Variants in AOPEP observed in about 807,000 individuals in gnomAD.
AOPEP encodes aminopeptidase O (putative), also known as aminopeptidase O.
Under a neutral mutation model 98.1 loss-of-function variants are expected in AOPEP, and 77 were observed. That is an observed-to-expected ratio of 0.78 (90% CI 0.65 to 0.95). AOPEP has a LOEUF of 0.95. AOPEP is among the 40% of genes least tolerant of loss of function. AOPEP has a pLI of 0.00. For synonymous variants in AOPEP, 346 were observed against 365.3 expected, an observed-to-expected ratio of 0.95 and a Z score of 0.60; for missense variants, 1,024 against 1,024.7, an observed-to-expected ratio of 1.00 and a Z score of 0.01.
chr9:94,817,427 G>A (rs1851947831), intron 5 of AOPEP, among the ~76,000 whole-genome samples: 1 of 152,230 alleles, frequency 6.6e-6, no homozygotes, highest in African/African-American at 2.4e-5. Context: ...AATGCTGCAT[G>A]GACGAGTGTG....
At chr9:94,777,625 CTTTTTTTT>C (rs34067261) in intron 3 of AOPEP, among the ~76,000 whole-genome samples, 7 of 94,186 alleles carry the variant, frequency 7.4e-5, no homozygotes, top group African/African-American at 1.4e-4. Flanking sequence ...ATTATATAAT[CTTTTTTTT>C]TTTTTTTTTT....
chr9:95,087,506 AAAAG>A (rs1210615378), downstream of AOPEP, among the ~76,000 whole-genome samples: 105 of 144,360 alleles, frequency 7.3e-4, no homozygotes, highest in African/African-American at 2.6e-3. Context: ...AAAAAAAAAA[AAAAG>A]CACGTACAAG....
intron 5 of AOPEP, among the ~76,000 whole-genome samples, chr9:94,895,234 T>A (rs1237066217): frequency 0.1 from 3,691 of 35,632 alleles, 169 homozygotes; most frequent in East Asian, 0.18. Context: ...AAAAATAAAA[T>A]AAAATAAAAA....
At chr9:94,875,243 A>C (rs2046778782) in intron 5 of AOPEP, among the ~76,000 whole-genome samples, 1 of 150,780 alleles carries the variant, frequency 6.6e-6, no homozygotes, top group Admixed American at 6.7e-5. Context: ...CATGATTTTT[A>C]ATTACTTCAC....
chr9:94,996,948 A>G (rs536692276), intron 11 of AOPEP, among the ~76,000 whole-genome samples: 1 of 152,168 alleles, frequency 6.6e-6, no homozygotes, highest in Non-Finnish European at 1.5e-5. Context: ...CTAGCCAGCA[A>G]TCTTCCAAAT....
chr9:94,731,876 A>G lies in AOPEP; in HGVS notation c.-136+5125A>G, dbSNP rs1032415185. On this transcript the variant is annotated intron_variant, in intron 1 of 16. Coordinates refer to ENST00000375315, the MANE Select transcript of AOPEP (RefSeq NM_001193329.3). ...CAATGGCATGATCTTTGCTCACCTC[A>G]TTGGTTCTAGCAATTCTCCTGCCTC... is the stretch of plus-strand genomic sequence containing the variant. 3.9e-5 allele frequency among the ~76,000 whole-genome samples: 5 copies of G among 128,994 alleles called. No individual in the cohort carries two copies. In the East Asian group the frequency reaches 1.1e-3, roughly 29 times the overall value. The allele number at this position is 128,994 out of a possible 152,430, so 84.6% of individuals were successfully genotyped here. A position where few individuals can be genotyped will look rare whatever the true frequency, so the allele number is the denominator to read the frequency against.
the AOPEP span, among the ~76,000 whole-genome samples, chr9:95,146,592 G>A: frequency 6.6e-6 from 1 of 150,756 alleles, no homozygotes; most frequent in Non-Finnish European, 1.5e-5. Flanking sequence ...TAAGCAGTAA[G>A]TATCATTTTA....
chr9:95,097,473 C>T, the AOPEP span, among the ~76,000 whole-genome samples: 8 of 152,208 alleles, frequency 5.3e-5, no homozygotes, highest in African/African-American at 1.9e-4. Context: ...GGAGTGGGCA[C>T]AAGGGCCTTT....
At chr9:94,833,411 A>G (rs1045492516) in intron 5 of AOPEP, among the ~76,000 whole-genome samples, 39 of 149,916 alleles carry the variant, frequency 2.6e-4, no homozygotes, top group African/African-American at 9.6e-4. Flanking sequence ...CTAATTTTGT[A>G]TTTTTAGTAG....
At chr9:95,146,820 G>C in the AOPEP span, among the ~76,000 whole-genome samples, 2 of 152,096 alleles carry the variant, frequency 1.3e-5, no homozygotes, top group African/African-American at 2.4e-5. Flanking sequence ...TGTTTCCAGA[G>C]AGGGAGGGAA....
intron 5 of AOPEP, among the ~76,000 whole-genome samples, chr9:94,871,058 C>T (rs775510568): frequency 8.5e-5 from 13 of 152,180 alleles, no homozygotes; most frequent in Non-Finnish European, 1.8e-4. Flanking sequence ...TGGGTGTGGG[C>T]GCAGGCGCGA....
Position 94,955,265 on chromosome 9 carries a change from G to C in AOPEP, c.1750G>C (p.Val584Leu). Residue 584 changes from valine (V) to leucine (L), a missense_variant, in exon 8 of 17, where the codon GTG becomes CTG. Around this residue, in one of 3 missense-constraint regions of AOPEP, gnomAD observed 566 missense variants for 551.7 expected, o/e 1.03. Transcript: ENST00000375315. ...GLNPEKIFMQ[V>L]HYLKGYFLLR... ...TAATCCGGAGAAGATCTTCATGCAG[G>C]TGCATTATTTAAAGGTAAGCACATG... 2 of 1,611,408 alleles carry C rather than the reference G, an allele frequency of 1.2e-6. No individual in the cohort carries two copies. The highest frequency in any genetic ancestry group is 2.2e-5 in the South Asian group (2 of 90,764).
intron 1 of AOPEP, among the ~76,000 whole-genome samples, chr9:94,740,501 A>G (rs988519498): frequency 6.6e-6 from 1 of 152,228 alleles, no homozygotes; most frequent in African/African-American, 2.4e-5. Flanking sequence ...TTCCAGCAGA[A>G]CTGTGCTTAT....
intron 14 of AOPEP, among the ~76,000 whole-genome samples, chr9:95,066,760 A>G (rs989149440): frequency 1.3e-5 from 2 of 152,188 alleles, no homozygotes; most frequent in Non-Finnish European, 2.9e-5. Context: ...TGGGGTCTAA[A>G]TAGCAGTGCC....
the AOPEP span, among the ~76,000 whole-genome samples, chr9:95,097,083 AAC>A: frequency 6.6e-6 from 1 of 152,230 alleles, no homozygotes; most frequent in Non-Finnish European, 1.5e-5. Context: ...ACACCCCCAC[AAC>A]AGGGAGGCAT....
chr9:95,044,964 G>A (rs2065705212), intron 13 of AOPEP, among the ~76,000 whole-genome samples: 1 of 152,230 alleles, frequency 6.6e-6, no homozygotes, highest in South Asian at 2.1e-4. Context: ...GCTGTGCAGA[G>A]TTGGTGTTGA....
At chr9:95,000,487 C>A (rs983540880) in intron 11 of AOPEP, among the ~76,000 whole-genome samples, 6 of 152,170 alleles carry the variant, frequency 3.9e-5, no homozygotes, top group Non-Finnish European at 7.3e-5. Context: ...GTGGGTGGAT[C>A]ACCTGAGATC....
At chr9:95,076,366 C>T (rs891738641) in intron 14 of AOPEP, among the ~76,000 whole-genome samples, 4 of 152,106 alleles carry the variant, frequency 2.6e-5, no homozygotes, top group African/African-American at 7.2e-5. Flanking sequence ...CTCAGGGCAC[C>T]GGATGACCCA....
chr9:95,040,081 C>T (rs1201156115), intron 13 of AOPEP, among the ~76,000 whole-genome samples: 1 of 152,222 alleles, frequency 6.6e-6, no homozygotes, highest in East Asian at 1.9e-4. Context: ...CAAGAGGTTA[C>T]AGGTGGCTTC....
Sources: allele counts gnomAD v4.1 joint callset (sites outside exome capture counted in the v4.1 genomes callset), GRCh38; gene constraint gnomAD v4.1.1; regional missense constraint gnomAD v4.1.1; transcripts MANE v1.5; gene names NCBI Gene and HGNC (gene_info 2026-07-23, HGNC 2026-07-21).